Variants in RXRA observed in about 807,000 individuals in gnomAD.
The protein encoded by RXRA is retinoic acid receptor RXR-alpha.
Under a neutral mutation model 44.5 loss-of-function variants are expected in RXRA, and 5 were observed. That is an observed-to-expected ratio of 0.11 (90% CI 0.06 to 0.24). The LOEUF (loss-of-function observed/expected upper bound fraction) is 0.24, where lower values mean the gene tolerates loss of function less well. Among genes scored for constraint, RXRA ranks in the 10% least tolerant of loss-of-function variants. The probability of loss-of-function intolerance (pLI) is 1.00; values close to 1 mark genes in which losing one functional copy is unlikely to be tolerated. For missense variants in RXRA, 412 were observed against 646.5 expected (o/e 0.64, Z 3.93); for synonymous variants, 291 against 271.4 (o/e 1.07, Z -0.71).
intron 1 of RXRA, among the ~76,000 whole-genome samples, chr9:134,385,734 C>T (rs1444037937): frequency 6.6e-6 from 1 of 152,248 alleles, no homozygotes; most frequent in Non-Finnish European, 1.5e-5. Flanking sequence ...TTTTCCAGCA[C>T]TCCTGCATGC....
chr9:134,361,479 T>C (rs929353265), intron 1 of RXRA, among the ~76,000 whole-genome samples: 1 of 151,608 alleles, frequency 6.6e-6, no homozygotes, highest in Non-Finnish European at 1.5e-5. Flanking sequence ...GCTGGGTGGC[T>C]GGGACAGGGA....
intron 1 of RXRA, among the ~76,000 whole-genome samples, chr9:134,381,745 G>A (rs758736596): frequency 2.0e-5 from 3 of 152,096 alleles, no homozygotes; most frequent in South Asian, 2.1e-4. Context: ...TTTCTTCAGC[G>A]GCCCTGGTTA....
intron 1 of RXRA, among the ~76,000 whole-genome samples, chr9:134,357,138 A>G (rs892755128): frequency 8.5e-5 from 13 of 152,242 alleles, no homozygotes; most frequent in African/African-American, 3.1e-4. Flanking sequence ...GCCTGTTGCA[A>G]TTGCCTGCTC....
intron 5 of RXRA, among the ~76,000 whole-genome samples, chr9:134,418,507 C>T (rs1202152023): frequency 3.3e-5 from 5 of 152,166 alleles, no homozygotes; most frequent in South Asian, 2.1e-4. Context: ...GCCTGCCCTC[C>T]GTGCTGGGTG....
intron 1 of RXRA, among the ~76,000 whole-genome samples, chr9:134,337,661 A>G (rs1419516101): frequency 6.6e-6 from 1 of 152,134 alleles, no homozygotes; most frequent in Non-Finnish European, 1.5e-5. Flanking sequence ...GAATTGGGTC[A>G]TGAAGGATGC....
chr9:134,336,066 T>G (rs1159963515), intron 1 of RXRA, among the ~76,000 whole-genome samples: 2 of 152,190 alleles, frequency 1.3e-5, no homozygotes, highest in African/African-American at 4.8e-5. Flanking sequence ...TCATGGACTT[T>G]CTGCCCAGGA....
In RXRA at chr9:134,384,471, C is replaced by T. The variant is rs556716694; in HGVS notation, c.29-17161C>T. On this transcript the variant is annotated intron_variant, in intron 1 of 9. Transcript: ENST00000481739. The stretch of plus-strand genomic sequence containing the variant: ...AGACACCAGCAAGCTAGGGACAGCC[C>T]GAAGCTGGGGGAGACTTGGGAATTT... 5.3e-5 allele frequency among the ~76,000 whole-genome samples: 8 copies of T among 152,314 alleles called. No homozygotes were observed. In the South Asian group the frequency reaches 1.0e-3, roughly 20 times the overall value.
At chr9:134,422,317 C>T in intron 6 of RXRA, 1 of 1,287,694 alleles carries the variant, frequency 7.8e-7, no homozygotes. Flanking sequence ...TTTCCCGGGA[C>T]ACTCCCCACT....
At chr9:134,420,128 A>G (rs545803863) in intron 5 of RXRA, among the ~76,000 whole-genome samples, 2 of 152,294 alleles carry the variant, frequency 1.3e-5, no homozygotes, top group African/African-American at 4.8e-5. Flanking sequence ...TCCCCAGCAG[A>G]GCCACTGCTG....
At chr9:134,418,374 C>G (rs1350999428) in intron 5 of RXRA, among the ~76,000 whole-genome samples, 1 of 152,188 alleles carries the variant, frequency 6.6e-6, no homozygotes, top group African/African-American at 2.4e-5. Flanking sequence ...GGTGTCCAGT[C>G]TTCATCTGTG....
chr9:134,403,827 T>A (rs752570349), intron 2 of RXRA: 1 of 152,294 alleles, frequency 6.6e-6, no homozygotes, highest in Non-Finnish European at 1.5e-5. Context: ...CCCCTTGACA[T>A]TGGCGAGGTC....
intron 1 of RXRA, among the ~76,000 whole-genome samples, chr9:134,397,943 A>G (rs1308192122): frequency 2.0e-5 from 3 of 152,022 alleles, no homozygotes; most frequent in African/African-American, 7.2e-5. Context: ...CCAGCTGGTA[A>G]CAAGTGCCCC....
intron 1 of RXRA, among the ~76,000 whole-genome samples, chr9:134,338,282 C>T (rs1554747607): frequency 1.3e-5 from 2 of 152,248 alleles, no homozygotes; most frequent in East Asian, 1.9e-4. Context: ...CCTGCTGGCT[C>T]ATTCTTGGCT....
intron 1 of RXRA, among the ~76,000 whole-genome samples, chr9:134,374,858 A>C (rs7039190): frequency 0.075 from 11,406 of 152,262 alleles, 584 homozygotes; most frequent in African/African-American, 0.14. Flanking sequence ...GCTAGTTCTT[A>C]AGGACTCCTG....
At chr9:134,431,843 G>T in intron 7 of RXRA, 62 bp from the exon 8 acceptor site, 3 of 1,318,588 alleles carry the variant, frequency 2.3e-6, no homozygotes, top group Non-Finnish European at 3.3e-6. Context: ...GGTATCTGGG[G>T]TGTGGCCCTG....
chr9:134,345,917 T>C (rs1830145305), intron 1 of RXRA, among the ~76,000 whole-genome samples: 1 of 152,154 alleles, frequency 6.6e-6, no homozygotes, highest in South Asian at 2.1e-4. Flanking sequence ...AGATGTCCCC[T>C]CCTCCAGGAA....
At chr9:134,346,490 C>G (rs78338555) in intron 1 of RXRA, among the ~76,000 whole-genome samples, 1 of 152,188 alleles carries the variant, frequency 6.6e-6, no homozygotes, top group South Asian at 2.1e-4. Context: ...TGAGCACTCA[C>G]CAGGTCCTGC....
chr9:134,419,495 G>A (rs946073030), intron 5 of RXRA, among the ~76,000 whole-genome samples: 3 of 152,168 alleles, frequency 2.0e-5, no homozygotes, highest in Non-Finnish European at 2.9e-5. Context: ...CTGTGGACTG[G>A]CCTGGGTCCA....
rs1460888285 is a variant in RXRA at position 134,417,038 on chromosome 9, G to A, written c.611-120G>A. ...GGGGTCTCCATCACCCAGTGCTGGT[G>A]GGGATGCTGGTGTTGTGGGTGAGTT... On this transcript the variant is annotated intron_variant, in intron 4 of 9. Coordinates refer to ENST00000481739, the MANE Select transcript of RXRA (RefSeq NM_002957.6). The surrounding 1 kb of genome is among the most constrained non-coding windows in gnomAD (Gnocchi z 6.1). 1.9e-6 allele frequency: 2 copies of A among 1,039,460 alleles called. No homozygotes were observed. Among genetic ancestry groups the A allele is most frequent in the Non-Finnish European group, 2.8e-6 (2 of 716,316 alleles). The allele number at this position is 1,039,460 out of a possible 1,614,324, so 64.4% of individuals were successfully genotyped here.
Sources: allele counts gnomAD v4.1 joint callset (sites outside exome capture counted in the v4.1 genomes callset), GRCh38; gene constraint gnomAD v4.1.1; non-coding constraint Gnocchi (gnomAD v3.1); transcripts MANE v1.5; gene names NCBI Gene and HGNC (gene_info 2026-07-23, HGNC 2026-07-21).